AP2A2: variants seen among roughly 807,000 people sequenced by gnomAD.
AP2A2 encodes the protein AP-2 complex subunit alpha-2.
Under a neutral mutation model 104.2 loss-of-function variants are expected in AP2A2, and 32 were observed. That is an observed-to-expected ratio of 0.31 (90% confidence interval 0.23 to 0.41). The LOEUF (loss-of-function observed/expected upper bound fraction) is 0.41. AP2A2 is among the 10% of genes least tolerant of loss of function. AP2A2 has a pLI of 1.00. For missense variants in AP2A2, 912 were observed against 1,261.0 expected (o/e 0.72, Z 4.19); for synonymous variants, 539 against 533.3 (o/e 1.01, Z -0.15).
At chr11:976,313 G>T (rs1855036127) in intron 4 of AP2A2, among the ~76,000 whole-genome samples, 1 of 152,134 alleles carries the variant, frequency 6.6e-6, no homozygotes, top group Non-Finnish European at 1.5e-5. Context: ...GGGAGATTTA[G>T]GAATAAAAAA....
At chr11:935,854 A>G (rs965106269) in intron 1 of AP2A2, among the ~76,000 whole-genome samples, 2 of 147,640 alleles carry the variant, frequency 1.4e-5, no homozygotes, top group African/African-American at 5.0e-5. Context: ...TTGGCCTCCC[A>G]AAGTGCTGGG....
chr11:956,917 T>A (rs1042095489), intron 1 of AP2A2: 1 of 152,230 alleles, frequency 6.6e-6, no homozygotes, highest in Non-Finnish European at 1.5e-5. Flanking sequence ...GCAAACAAGC[T>A]ATCAGTTCTG....
intron 2 of AP2A2, among the ~76,000 whole-genome samples, chr11:964,016 C>A (rs1383993047): frequency 6.6e-6 from 1 of 152,222 alleles, no homozygotes; most frequent in Non-Finnish European, 1.5e-5. Context: ...AGGCGTCAGC[C>A]AGGATGTCAG....
chr11:979,731 T>G (rs987320988), intron 5 of AP2A2, among the ~76,000 whole-genome samples: 8 of 152,136 alleles, frequency 5.3e-5, no homozygotes, highest in Non-Finnish European at 1.0e-4. Flanking sequence ...CACGCCTGGA[T>G]AATATTTGTA....
chr11:981,863 C>T (rs917626777), intron 6 of AP2A2, among the ~76,000 whole-genome samples: 2 of 152,366 alleles, frequency 1.3e-5, no homozygotes, highest in South Asian at 2.1e-4. Flanking sequence ...CCTTGGTTTC[C>T]ATGTGCACGA....
At chr11:962,444 A>G (rs1854472827) in intron 2 of AP2A2, among the ~76,000 whole-genome samples, 1 of 152,206 alleles carries the variant, frequency 6.6e-6, no homozygotes, top group Non-Finnish European at 1.5e-5. Context: ...TAAATTTACA[A>G]ACTCTCTGGC....
chr11:936,343 G>C (rs1853459819), intron 1 of AP2A2, among the ~76,000 whole-genome samples: 2 of 151,224 alleles, frequency 1.3e-5, no homozygotes, highest in African/African-American at 4.9e-5. Context: ...CTCTTGAGTA[G>C]CTGGGCCTAC....
rs1342357537 is a variant in AP2A2, at chr11:989,252, G to GGGAGGC, written c.1269+575_1269+580dup. On this transcript the variant is annotated intron_variant, in intron 10 of 21. Transcript: ENST00000448903. ...TGAGGCAGGAGAATCGCTTGAACCCGGGAGGCGGAGGCGGAGGTTGTGGTG... is the reference window on the plus strand; with the variant it reads ...TGAGGCAGGAGAATCGCTTGAACCCGGGAGGCGGAGGCGGAGGCGGAGGTTGTGGTG... Among the ~76,000 whole-genome samples, 21 of 152,186 alleles carry GGGAGGC rather than the reference G, an allele frequency of 1.4e-4. No individual in the cohort carries two copies. In the South Asian group the frequency reaches 2.5e-3, roughly 18 times the overall value.
intron 1 of AP2A2, among the ~76,000 whole-genome samples, chr11:939,605 G>T (rs921573796): frequency 6.6e-6 from 1 of 151,850 alleles, no homozygotes; most frequent in Admixed American, 6.6e-5. Flanking sequence ...CCACACTCCC[G>T]GCTAATTTTT....
At chr11:967,280 C>G (rs1254610317) in intron 2 of AP2A2, among the ~76,000 whole-genome samples, 2 of 152,224 alleles carry the variant, frequency 1.3e-5, no homozygotes, top group African/African-American at 4.8e-5. Context: ...AAAGATGGTG[C>G]TCATGAACCT....
intron 7 of AP2A2, 59 bp from the exon 8 acceptor site, chr11:985,376 G>C (rs1855416059): frequency 6.4e-7 from 1 of 1,573,346 alleles, no homozygotes; most frequent in African/African-American, 1.4e-5. Flanking sequence ...AGCCGGGAGG[G>C]GCAGGGTGGG....
chr11:961,513 A>G (rs1233313377), intron 2 of AP2A2, among the ~76,000 whole-genome samples: 2 of 149,558 alleles, frequency 1.3e-5, no homozygotes, highest in Non-Finnish European at 3.0e-5. Flanking sequence ...TGTGGGTCTG[A>G]CAGTCGCCAC....
chr11:953,552 C>A (rs139635383), intron 1 of AP2A2, among the ~76,000 whole-genome samples: 5 of 42,936 alleles, frequency 1.2e-4, no homozygotes, highest in East Asian at 3.8e-4. Flanking sequence ...AGAGCCCCCC[C>A]CCCCCATTGT....
At chr11:964,521 G>T (rs978701346) in intron 2 of AP2A2, among the ~76,000 whole-genome samples, 1 of 152,188 alleles carries the variant, frequency 6.6e-6, no homozygotes, top group African/African-American at 2.4e-5. Flanking sequence ...GCCTCAAAGG[G>T]AATTAATTTG....
chr11:982,614 G>T (rs1855286802), intron 6 of AP2A2, among the ~76,000 whole-genome samples: 1 of 150,890 alleles, frequency 6.6e-6, no homozygotes, highest in African/African-American at 2.4e-5. Context: ...TCATTAACTG[G>T]TAAAAACATT....
chr11:987,372 G>C (rs543574246), intron 9 of AP2A2, among the ~76,000 whole-genome samples: 1 of 152,196 alleles, frequency 6.6e-6, no homozygotes, highest in Non-Finnish European at 1.5e-5. Flanking sequence ...AGTTGGGGCC[G>C]GGCGCGGTGG....
chr11:949,255 G>A (rs748800630), intron 1 of AP2A2, among the ~76,000 whole-genome samples: 1 of 151,986 alleles, frequency 6.6e-6, no homozygotes, highest in Non-Finnish European at 1.5e-5. Flanking sequence ...CAGCCTGGGC[G>A]ACAGAGAGAG....
intron 17 of AP2A2, chr11:1,007,440 G>A (rs1176574449): frequency 6.4e-6 from 1 of 156,290 alleles, no homozygotes; most frequent in Non-Finnish European, 1.4e-5. Flanking sequence ...TTGGCTCGAG[G>A]CGGCAGCGAG....
chr11:985,294 T>C, intron 7 of AP2A2, 141 bp from the exon 8 acceptor site: 1 of 1,185,752 alleles, frequency 8.4e-7, no homozygotes. Context: ...GTCTCAGTTT[T>C]GTAAATGCTT....
Sources: allele counts gnomAD v4.1 joint callset (sites outside exome capture counted in the v4.1 genomes callset), GRCh38; gene constraint gnomAD v4.1.1; transcripts MANE v1.5; gene names NCBI Gene and HGNC (gene_info 2026-07-23, HGNC 2026-07-21).